Variants in APH1B observed in about 807,000 individuals in gnomAD.
The protein encoded by APH1B is aph-1B gamma-secretase subunit, also known as gamma-secretase subunit APH-1B.
APH1B carries 27 observed loss-of-function variants against 28.2 expected under a neutral mutation model. That is an observed-to-expected ratio of 0.96 (90% CI 0.70 to 1.32). APH1B has a LOEUF of 1.32. Among genes scored for constraint, APH1B ranks in the 40% most tolerant of loss-of-function variants. The pLI is 0.00. For synonymous variants in APH1B, 141 were observed against 124.6 expected (o/e 1.13, Z -0.88); for missense variants, 305 against 313.6 (o/e 0.97, Z 0.21).
chr15:63,282,225 C>G (rs568498026), intron 2 of APH1B, among the ~76,000 whole-genome samples: 3 of 152,284 alleles, frequency 2.0e-5, no homozygotes, highest in Non-Finnish European at 2.9e-5. Flanking sequence ...TTAATCAATA[C>G]TTTATCTCCA....
chr15:63,299,648 C>T (rs941418679), intron 4 of APH1B, among the ~76,000 whole-genome samples: 3 of 152,072 alleles, frequency 2.0e-5, no homozygotes, highest in Non-Finnish European at 2.9e-5. Flanking sequence ...TCGTGATACT[C>T]CTGCCTCGGC....
rs199620550 is a variant in APH1B at position 63,287,479 on chromosome 15, A to G, written c.411A>G (p.Leu137=). The G allele has an allele frequency of 6.4e-5, 103 of 1,613,952 alleles. No individual in the cohort carries two copies. The highest frequency in any genetic ancestry group is 8.1e-5 in the Non-Finnish European group (95 of 1,179,940). Reference sequence around the variant, plus strand: ...GAGTATTTTCCTTTGTGAATACCCTATCTGACTCCTTGGGGCCAGGCACAG... The same window carrying G: ...GAGTATTTTCCTTTGTGAATACCCTGTCTGACTCCTTGGGGCCAGGCACAG... ...MSGVFSFVNT[L]SDSLGPGTVG... The change falls in exon 4 of 6, where the codon CTA becomes CTG. Residue 137 remains leucine (L), a synonymous_variant. Transcript: ENST00000261879.
intron 2 of APH1B, among the ~76,000 whole-genome samples, chr15:63,279,619 T>C (rs2038363762): frequency 6.6e-6 from 1 of 152,174 alleles, no homozygotes; most frequent in Admixed American, 6.5e-5. Context: ...AGTCTCTGGC[T>C]TCATGGAGCT....
intron 5 of APH1B, among the ~76,000 whole-genome samples, chr15:63,303,695 G>A (rs2038656575): frequency 6.6e-6 from 1 of 152,060 alleles, no homozygotes; most frequent in African/African-American, 2.4e-5. Context: ...TGAGCTCTAT[G>A]TTGCTCCGGC....
At chr15:63,277,770 G>T in intron 1 of APH1B, 34 bp downstream of exon 1, 1 of 1,591,316 alleles carries the variant, frequency 6.3e-7, no homozygotes, top group Non-Finnish European at 8.6e-7. Context: ...CCGGACGCCG[G>T]GGCTCCCCTC....
In APH1B at chr15:63,281,551, AC is replaced by A. The variant is rs1185051329; in HGVS notation, c.284+2221del. Among the ~76,000 whole-genome samples the A allele has an allele frequency of 1.8e-3, 264 of 144,846 alleles. 1 individual carries two copies. The highest frequency in any genetic ancestry group is 6.1e-3 in the African/African-American group (240 of 39,152). ...CTAATTTTGAAAAAAAAAAAAAAAA[AC>A]AAAAAAAAACACAATTTCTAATACA... is the stretch of plus-strand genomic sequence containing the variant. On this transcript the variant is annotated intron_variant, in intron 2 of 5. Coordinates refer to ENST00000261879, the MANE Select transcript of APH1B (RefSeq NM_031301.4).
intron 4 of APH1B, among the ~76,000 whole-genome samples, chr15:63,299,506 G>A (rs915708428): frequency 2.0e-5 from 3 of 152,058 alleles, no homozygotes; most frequent in East Asian, 1.9e-4. Context: ...CCAGGTTCAC[G>A]CCATTCTCCT....
intron 1 of APH1B, 81 bp from the exon 2 acceptor site, chr15:63,279,080 G>T (rs1595757635): frequency 7.4e-6 from 7 of 943,734 alleles, no homozygotes; most frequent in Admixed American, 3.1e-5. Flanking sequence ...TCTCAAGCAG[G>T]TTTTTTTTTT....
chr15:63,287,671 CTG>C, intron 4 of APH1B, 125 bp downstream of exon 4: 1 of 1,235,382 alleles, frequency 8.1e-7, no homozygotes. Flanking sequence ...GCGAAATACT[CTG>C]AGGCACTGTG....
At position 63,304,275 on chromosome 15, in the gene APH1B, G is replaced by C. The variant is rs771605231; in HGVS notation, c.607-1339G>C. Among the ~76,000 whole-genome samples, 178 of 152,232 alleles carry C rather than the reference G, an allele frequency of 1.2e-3. 1 individual carries two copies. The highest frequency in any genetic ancestry group is 4.2e-3 in the African/African-American group (174 of 41,520). ...ACCCTCAGTGGGGGCAGGGACTGGT[G>C]GAACAGGGAGGCTCCTGGGGGCTGA... On this transcript the variant is annotated intron_variant, in intron 5 of 5. Transcript: ENST00000261879. This position sits in a 1 kb window ranked among gnomAD's most constrained non-coding sequence, Gnocchi z 5.1.
At chr15:63,302,572 A>G (rs1483849868) in intron 5 of APH1B, 100 bp downstream of exon 5, 3 of 1,435,790 alleles carry the variant, frequency 2.1e-6, no homozygotes, top group Non-Finnish European at 2.8e-6. Flanking sequence ...TCATGAGAAC[A>G]TGAGGAAATT....
chr15:63,278,129 G>A (rs553971833), intron 1 of APH1B, among the ~76,000 whole-genome samples: 1 of 152,158 alleles, frequency 6.6e-6, no homozygotes, highest in East Asian at 1.9e-4. Flanking sequence ...ATAGTAGTGC[G>A]CGACTTCCGC....
chr15:63,277,717 A>G lies in APH1B; in HGVS notation c.94A>G (p.Ile32Val). 2 of 1,609,546 alleles carry G rather than the reference A, an allele frequency of 1.2e-6. No individual in the cohort carries two copies. Among genetic ancestry groups the G allele is most frequent in the Admixed American group, 1.7e-5 (1 of 59,548 alleles). ...VFTIATEPLRIIFLIAGAFFW... is the reference protein window; with the variant it reads ...VFTIATEPLRVIFLIAGAFFW... Reference sequence around the variant, plus strand: ...CACCATCGCCACCGAGCCGTTGCGTATCATCTTCCTCATCGCCGGGTGAGG... The same window carrying G: ...CACCATCGCCACCGAGCCGTTGCGTGTCATCTTCCTCATCGCCGGGTGAGG... Residue 32 changes from isoleucine (I) to valine (V), a missense_variant, in exon 1 of 6, where the codon ATC becomes GTC. Ile to Val is a conservative substitution (Grantham distance 29, BLOSUM62 3). Coordinates refer to ENST00000261879, the MANE Select transcript of APH1B (RefSeq NM_031301.4).
At chr15:63,303,877 ACACACAC>A (rs1567033423) in intron 5 of APH1B, among the ~76,000 whole-genome samples, 7 of 96,308 alleles carry the variant, frequency 7.3e-5, no homozygotes, top group Non-Finnish European at 1.3e-4. Flanking sequence ...CACACACAAC[ACACACAC>A]ACACACACAC....
chr15:63,302,576 G>GC, intron 5 of APH1B, 104 bp downstream of exon 5: 1 of 1,420,888 alleles, frequency 7.0e-7, no homozygotes, highest in Non-Finnish European at 9.3e-7. Context: ...GAGAACATGA[G>GC]GAAATTCAGA....
chr15:63,290,964 C>CCTCTTTCCTCCAGGCCT, intron 4 of APH1B, among the ~76,000 whole-genome samples: 8 of 150,886 alleles, frequency 5.3e-5, no homozygotes, highest in African/African-American at 1.7e-4. Context: ...ATGTTCGAGG[C>CCTCTTTCCTCCAGGCCT]AGAGGGAAGA....
At position 63,286,551 on chromosome 15, in the gene APH1B, AT is replaced by A. The variant is rs747978009; in HGVS notation, c.285-3del. The A allele has an allele frequency of 4.4e-6, 6 of 1,377,144 alleles. No individual in the cohort carries two copies. Among genetic ancestry groups the A allele is most frequent in the Non-Finnish European group, 5.6e-6 (6 of 1,063,714 alleles). 85.3% of individuals were successfully genotyped at this position (1,377,144 alleles called of 1,614,324 possible). The stretch of plus-strand genomic sequence containing the variant: ...TCTTCTTAATTACATGTGTGGTTTT[AT>A]TTTAGAAAAGCCAGTGAAGGTTTGA... On this transcript the variant is annotated splice_polypyrimidine_tract_variant and splice_region_variant and intron_variant, in intron 2 of 5. Coordinates refer to ENST00000261879, the MANE Select transcript of APH1B (RefSeq NM_031301.4).
chr15:63,279,590 A>G (rs1242752560), intron 2 of APH1B, among the ~76,000 whole-genome samples: 1 of 152,164 alleles, frequency 6.6e-6, no homozygotes, highest in Non-Finnish European at 1.5e-5. Context: ...CTGGGGATAC[A>G]TCAGTGATTA....
rs919540259 is a variant in APH1B, at chr15:63,308,756, C to G, written c.*2975C>G. On this transcript the variant is annotated 3_prime_UTR_variant, in exon 6 of 6. Transcript: ENST00000261879. ...TGTGACGGGCACCAGCGGCCTGATT[C>G]CAGGGAAGAGTTCCTGGAGGGTGTT... 1.3e-4 allele frequency: 20 copies of G among 152,230 alleles called. No individual in the cohort carries two copies. Among genetic ancestry groups the G allele is most frequent in the African/African-American group, 4.8e-4 (20 of 41,452 alleles). The allele number at this position is 152,230 out of a possible 1,614,324, so 9.4% of individuals were successfully genotyped here.
Sources: allele counts gnomAD v4.1 joint callset (sites outside exome capture counted in the v4.1 genomes callset), GRCh38; gene constraint gnomAD v4.1.1; non-coding constraint Gnocchi (gnomAD v3.1); transcripts MANE v1.5; gene names NCBI Gene and HGNC (gene_info 2026-07-23, HGNC 2026-07-21).